The following CNTN5 variants were observed in gnomAD, a reference collection of about 807,000 sequenced individuals.
CNTN5 encodes contactin 5.
CNTN5 carries 77 observed loss-of-function variants against 129.1 expected under a neutral mutation model. The ratio of observed to expected loss-of-function variants is 0.60; its 90% CI spans 0.50 to 0.72. The LOEUF (loss-of-function observed/expected upper bound fraction) is 0.72. CNTN5 is among the 30% of genes least tolerant of loss of function. The pLI, the probability that CNTN5 is intolerant of heterozygous loss-of-function variation, is 0.00. For missense variants in CNTN5, 1,478 were observed against 1,328.8 expected (o/e 1.11, Z -1.75); for synonymous variants, 509 against 465.6 (o/e 1.09, Z -1.20).
chr11:99,102,248 T>G (rs1466287861), intron 1 of CNTN5, among the ~76,000 whole-genome samples: 2 of 151,702 alleles, frequency 1.3e-5, no homozygotes, highest in Non-Finnish European at 2.9e-5. Context: ...ATAGGCCTCT[T>G]GGTCAGTGAT....
At chr11:100,213,610 C>T (rs540249398) in intron 15 of CNTN5, among the ~76,000 whole-genome samples, 28 of 152,260 alleles carry the variant, frequency 1.8e-4, no homozygotes, top group African/African-American at 6.7e-4. Flanking sequence ...TTAAATTTGA[C>T]TGAGTGTCCT....
chr11:99,664,994 A>G (rs2135928615), intron 3 of CNTN5, among the ~76,000 whole-genome samples: 1 of 152,336 alleles, frequency 6.6e-6, no homozygotes, highest in African/African-American at 2.4e-5. Flanking sequence ...TCTGTCCTCA[A>G]TTCCAAGATA....
At chr11:99,133,615 C>CTAAAAAAAA (rs879283937) in intron 1 of CNTN5, among the ~76,000 whole-genome samples, 3 of 105,992 alleles carry the variant, frequency 2.8e-5, no homozygotes, top group Non-Finnish European at 5.7e-5. Context: ...AGACACTTCT[C>CTAAAAAAAA]AAGAAAAAAA....
At chr11:100,215,670 G>A (rs887540801) in intron 15 of CNTN5, among the ~76,000 whole-genome samples, 1 of 152,068 alleles carries the variant, frequency 6.6e-6, no homozygotes, top group African/African-American at 2.4e-5. Context: ...TAATAGGAAA[G>A]AATAAGTATC....
chr11:100,210,274 C>G (rs1248993225), intron 15 of CNTN5, among the ~76,000 whole-genome samples: 1 of 146,958 alleles, frequency 6.8e-6, no homozygotes, highest in Non-Finnish European at 1.5e-5. Context: ...CGCTTGAGCC[C>G]AGGAGGCAGA....
chr11:99,916,503 C>T (rs916114746), intron 7 of CNTN5, among the ~76,000 whole-genome samples: 5 of 152,090 alleles, frequency 3.3e-5, no homozygotes, highest in Admixed American at 3.3e-4. Flanking sequence ...TAACTGAATA[C>T]CAATATGCGT....
intron 3 of CNTN5, among the ~76,000 whole-genome samples, chr11:99,607,424 G>T (rs1277218439): frequency 7.0e-6 from 1 of 143,220 alleles, no homozygotes; most frequent in South Asian, 2.3e-4. Flanking sequence ...AGTTAGAATG[G>T]CAATCATTAA....
intron 8 of CNTN5, among the ~76,000 whole-genome samples, chr11:99,998,933 T>C (rs1302190565): frequency 2.6e-5 from 4 of 151,298 alleles, no homozygotes; most frequent in Non-Finnish European, 5.9e-5. Flanking sequence ...TAAATGGTGC[T>C]GGGAAAACTG....
At chr11:99,195,472 G>A (rs1216082458) in intron 1 of CNTN5, among the ~76,000 whole-genome samples, 2 of 151,946 alleles carry the variant, frequency 1.3e-5, no homozygotes, top group Non-Finnish European at 2.9e-5. Context: ...ATACATTAAA[G>A]CGCTCCTTTA....
chr11:99,574,396 G>A (rs1949278787), intron 3 of CNTN5, among the ~76,000 whole-genome samples: 2 of 152,174 alleles, frequency 1.3e-5, no homozygotes, highest in Non-Finnish European at 2.9e-5. Context: ...ATAACAGAAT[G>A]ATTTATATTC....
At chr11:99,783,435 A>G (rs1409236011) in intron 3 of CNTN5, among the ~76,000 whole-genome samples, 5 of 37,742 alleles carry the variant, frequency 1.3e-4, no homozygotes, top group African/African-American at 2.2e-4. Context: ...ATCTAGAACT[A>G]GAAATACCAT....
chr11:99,214,519 T>C (rs1383166856), intron 1 of CNTN5, among the ~76,000 whole-genome samples: 1 of 151,604 alleles, frequency 6.6e-6, no homozygotes, highest in Non-Finnish European at 1.5e-5. Flanking sequence ...TTAATATGTG[T>C]AATAAATTTA....
intron 2 of CNTN5, among the ~76,000 whole-genome samples, chr11:99,443,061 T>C (rs1265219986): frequency 2.0e-5 from 3 of 152,210 alleles, no homozygotes; most frequent in Non-Finnish European, 4.4e-5. Flanking sequence ...GATAAAATAA[T>C]TCACAAAAGA....
Position 99,654,483 on chromosome 11 carries a change from GTAGTA to G in CNTN5, c.55+98216_55+98220del, listed in dbSNP as rs1474445084. 4.6e-5 allele frequency among the ~76,000 whole-genome samples: 7 copies of G among 152,098 alleles called. No individual in the cohort carries two copies. In the East Asian group the frequency reaches 1.2e-3, roughly 25 times the overall value. On this transcript the variant is annotated intron_variant, in intron 3 of 24. Coordinates refer to ENST00000524871, the MANE Select transcript of CNTN5 (RefSeq NM_014361.4). ...AGAGAGGATGGCTGTGGAACAGGGG[GTAGTA>G]TGGGACCAATGGATATGAAATGGTC...
At chr11:99,382,852 T>TTTTG (rs1940672849) in intron 2 of CNTN5, among the ~76,000 whole-genome samples, 1 of 83,290 alleles carries the variant, frequency 1.2e-5, no homozygotes, top group East Asian at 3.0e-4. Flanking sequence ...TAACTTTTTT[T>TTTTG]TTTTTTTTTT....
chr11:99,218,516 T>A (rs1026856322), intron 1 of CNTN5, among the ~76,000 whole-genome samples: 2 of 152,074 alleles, frequency 1.3e-5, no homozygotes, highest in African/African-American at 4.8e-5. Flanking sequence ...CTTTAGAATG[T>A]GAAGATGGGG....
intron 1 of CNTN5, among the ~76,000 whole-genome samples, chr11:99,072,725 A>C (rs1865389455): frequency 6.6e-6 from 1 of 152,148 alleles, no homozygotes; most frequent in African/African-American, 2.4e-5. Context: ...GCTTTTTAAA[A>C]AATTGAGATA....
intron 2 of CNTN5, among the ~76,000 whole-genome samples, chr11:99,517,247 T>A (rs1027460559): frequency 1.3e-5 from 2 of 152,142 alleles, no homozygotes; most frequent in Non-Finnish European, 2.9e-5. Context: ...ATTTCCTTAA[T>A]GTCTTGTATA....
At chr11:99,875,772 TAGAC>T (rs1948617425) in intron 6 of CNTN5, among the ~76,000 whole-genome samples, 1 of 152,162 alleles carries the variant, frequency 6.6e-6, no homozygotes, top group Non-Finnish European at 1.5e-5. Context: ...AAATACATAA[TAGAC>T]AATACACATT....
Sources: gnomAD v4.1 joint callset for allele counts (sites outside exome capture counted in the v4.1 genomes callset) on GRCh38, gnomAD v4.1.1 for gene constraint, MANE v1.5 for transcripts, NCBI Gene and HGNC (gene_info 2026-07-23, HGNC 2026-07-21) for gene names.